Variants in PRXL2C observed in about 807,000 individuals in gnomAD.
PRXL2C encodes the protein peroxiredoxin like 2C.
A neutral mutation model predicts 24.9 loss-of-function variants in PRXL2C; 38 were observed. The ratio of observed to expected loss-of-function variants is 1.53; its 90% CI spans 1.18 to 2.00. The LOEUF is 2.00. Among genes scored for constraint, PRXL2C ranks in the 30% most tolerant of loss-of-function variants. PRXL2C has a pLI of 0.00. For synonymous variants in PRXL2C, 98 were observed against 117.2 expected (o/e 0.84, Z 1.06); for missense variants, 294 against 290.9 (o/e 1.01, Z -0.08).
chr9:96,654,989 T>C (rs1848332658), intron 1 of PRXL2C, 101 bp downstream of exon 1: 1 of 1,339,300 alleles, frequency 7.5e-7, no homozygotes, highest in Non-Finnish European at 9.7e-7. Context: ...GCAGGCTGCC[T>C]TCCCGTTTCC....
intron 2 of PRXL2C, 28 bp from the exon 3 acceptor site, chr9:96,651,740 T>A: frequency 6.4e-7 from 1 of 1,563,720 alleles, no homozygotes; most frequent in Non-Finnish European, 8.7e-7. Flanking sequence ...GACATGTATA[T>A]ATCATTAGAA....
At position 96,640,971 on chromosome 9, in the gene PRXL2C, TAGCA is replaced by T. The variant is rs1848106594; in HGVS notation, c.*784_*787del. The T allele has an allele frequency of 6.6e-6, 1 of 152,178 alleles. No homozygotes were observed. The highest frequency in any genetic ancestry group is 2.1e-4 in the South Asian group (1 of 4,824). 9.4% of individuals were successfully genotyped at this position (152,178 alleles called of 1,614,324 possible). A position where few individuals can be genotyped will look rare whatever the true frequency, so the allele number is the denominator to read the frequency against. ...CCCCCCAAAATCCTAGTGAAACGGA[TAGCA>T]AGTATGTAGTTTGAGAAGGTGCTGT... On this transcript the variant is annotated 3_prime_UTR_variant, in exon 6 of 6. Coordinates refer to ENST00000375234, the MANE Select transcript of PRXL2C (RefSeq NM_153698.2).
At chr9:96,653,451 G>GA (rs911938162) in intron 2 of PRXL2C, among the ~76,000 whole-genome samples, 1 of 152,100 alleles carries the variant, frequency 6.6e-6, no homozygotes, top group African/African-American at 2.4e-5. Context: ...CAGGGATAAG[G>GA]AAAAGGGAGG....
At chr9:96,646,108 C>G in intron 4 of PRXL2C, 84 bp from the exon 5 acceptor site, 2 of 1,361,320 alleles carry the variant, frequency 1.5e-6, no homozygotes, top group African/African-American at 3.0e-5. Flanking sequence ...AAAACATTCT[C>G]TTTCTTCCTT....
intron 5 of PRXL2C, 50 bp from the exon 6 acceptor site, chr9:96,641,936 T>G (rs1163621811): frequency 7.3e-7 from 1 of 1,369,914 alleles, no homozygotes; most frequent in African/African-American, 1.5e-5. Flanking sequence ...ATTCATCAGA[T>G]TTACTGCTTA....
Position 96,641,807 on chromosome 9 carries a change from T to C in PRXL2C, c.633A>G (p.Gly211=). ...TGTTTGTAAAGTTCACATGCTGAAC[T>C]CCTACAAGCTGTAAAACAGAGTTGA... ...KPINSVLQLV[G]VQHVNFTNRP... The change falls in exon 6 of 6, where the codon GGA becomes GGG. Residue 211 remains glycine, a synonymous_variant. Coordinates refer to ENST00000375234, the MANE Select transcript of PRXL2C (RefSeq NM_153698.2). 6.3e-7 allele frequency: 1 copy of C among 1,581,912 alleles called. No homozygotes were observed. The highest frequency in any genetic ancestry group is 8.6e-7 in the Non-Finnish European group (1 of 1,156,126).
In PRXL2C at chr9:96,641,790, A is replaced by C; in HGVS notation, c.650T>G (p.Phe217Cys). 6.3e-7 allele frequency: 1 copy of C among 1,578,818 alleles called. No homozygotes were observed. The highest frequency in any genetic ancestry group is 8.7e-7 in the Non-Finnish European group (1 of 1,153,870). ...ATGGATAACTGAAGGTCTGTTTGTA[A>C]AGTTCACATGCTGAACTCCTACAAG... is the stretch of plus-strand genomic sequence containing the variant. ...LQLVGVQHVN[F>C]TNRPSVIHV The change falls in exon 6 of 6, where the codon TTT becomes TGT. Residue 217 changes from phenylalanine to cysteine, a missense_variant. Transcript: ENST00000375234.
chr9:96,645,579 C>T (rs554960164), intron 5 of PRXL2C, among the ~76,000 whole-genome samples: 2 of 151,826 alleles, frequency 1.3e-5, no homozygotes, highest in East Asian at 3.9e-4. Context: ...GGGTGGATCA[C>T]GAGGTCAGGA....
At chr9:96,642,969 A>G (rs1299595396) in intron 5 of PRXL2C, among the ~76,000 whole-genome samples, 2 of 152,196 alleles carry the variant, frequency 1.3e-5, no homozygotes, top group Admixed American at 6.5e-5. Flanking sequence ...ATATGTACAG[A>G]CATTTTTTTT....
intron 4 of PRXL2C, among the ~76,000 whole-genome samples, chr9:96,646,838 T>C (rs762410375): frequency 2.6e-5 from 4 of 152,170 alleles, no homozygotes; most frequent in Non-Finnish European, 5.9e-5. Context: ...TTGCCCAGGA[T>C]GGAGTGCAAT....
rs940691756 is a variant in PRXL2C at position 96,651,782 on chromosome 9, C to A, written c.262-70G>T. The A allele has an allele frequency of 3.0e-6, 4 of 1,348,772 alleles. No homozygotes were observed. In the Admixed American group the frequency reaches 7.7e-5, roughly 26 times the overall value. 83.6% of individuals were successfully genotyped at this position (1,348,772 alleles called of 1,614,324 possible). A position where few individuals can be genotyped will look rare whatever the true frequency, so the allele number is the denominator to read the frequency against. On this transcript the variant is annotated intron_variant, in intron 2 of 5. Coordinates refer to ENST00000375234, the MANE Select transcript of PRXL2C (RefSeq NM_153698.2). ...CATGTTTTATACAACATCCCTTAAC[C>A]CAACTCTTATGTTTCATTCTAATGC...
chr9:96,647,400 C>T (rs1344044991), intron 4 of PRXL2C, among the ~76,000 whole-genome samples: 1 of 152,122 alleles, frequency 6.6e-6, no homozygotes, highest in African/African-American at 2.4e-5. Flanking sequence ...TTCCAAACAC[C>T]TATTATTTCT....
At position 96,641,702 on chromosome 9, in the gene PRXL2C, G is replaced by A; in HGVS notation, c.*57C>T. On this transcript the variant is annotated 3_prime_UTR_variant, in exon 6 of 6. Transcript: ENST00000375234. ...ACACTGCACGAGGATATTACACCCA[G>A]GCATTGAAGGTCACATTCCAGAAGG... The A allele has an allele frequency of 1.4e-6, 2 of 1,479,130 alleles. No homozygotes were observed. The highest frequency in any genetic ancestry group is 1.8e-6 in the Non-Finnish European group (2 of 1,095,538). 91.6% of individuals were successfully genotyped at this position (1,479,130 alleles called of 1,614,324 possible).
At chr9:96,651,057 G>A (rs550410032) in intron 4 of PRXL2C, among the ~76,000 whole-genome samples, 21 of 152,164 alleles carry the variant, frequency 1.4e-4, no homozygotes, top group Admixed American at 5.2e-4. Context: ...TTGGGAGGCC[G>A]AGACAGGTCA....
At chr9:96,643,493 AC>A (rs1848147388) in intron 5 of PRXL2C, among the ~76,000 whole-genome samples, 1 of 152,108 alleles carries the variant, frequency 6.6e-6, no homozygotes, top group Non-Finnish European at 1.5e-5. Flanking sequence ...TGATCTGCTC[AC>A]CTTGGGCTCC....
In PRXL2C at chr9:96,654,617, A is replaced by T; in HGVS notation, c.261+88T>A. 3 of 1,255,808 alleles carry T rather than the reference A, an allele frequency of 2.4e-6. No individual in the cohort carries two copies. In the South Asian group the frequency reaches 3.9e-5, roughly 17 times the overall value. 77.8% of individuals were successfully genotyped at this position (1,255,808 alleles called of 1,614,324 possible). ...TGCGGGGAGGGGCAATCCAGGCTGC[A>T]AGTTCCGCGCTGGAGCCGCGTCCTC... On this transcript the variant is annotated intron_variant, in intron 2 of 5. Coordinates refer to ENST00000375234, the MANE Select transcript of PRXL2C (RefSeq NM_153698.2).
chr9:96,654,588 G>C, intron 2 of PRXL2C, 117 bp downstream of exon 2: 10 of 865,246 alleles, frequency 1.2e-5, no homozygotes, highest in Non-Finnish European at 1.8e-5. Flanking sequence ...AGGGTGGAGA[G>C]AGCTGCGGGG....
chr9:96,642,833 G>A (rs905377932), intron 5 of PRXL2C, among the ~76,000 whole-genome samples: 4 of 152,020 alleles, frequency 2.6e-5, no homozygotes, highest in African/African-American at 9.7e-5. Flanking sequence ...GTAAGCCACT[G>A]CACCCGGCCA....
chr9:96,654,777 A>G lies in PRXL2C; in HGVS notation c.193-4T>C. The G allele has an allele frequency of 6.4e-7, 1 of 1,559,584 alleles. No homozygotes were observed. Among genetic ancestry groups the G allele is most frequent in the Non-Finnish European group, 8.7e-7 (1 of 1,150,684 alleles). On this transcript the variant is annotated splice_polypyrimidine_tract_variant and splice_region_variant and intron_variant, in intron 1 of 5. Coordinates refer to ENST00000375234, the MANE Select transcript of PRXL2C (RefSeq NM_153698.2). ...TGCAGATGTAACACAGGAAATGCTG[A>G]AAGCCAAAACGGCAGAAAGGGCAAG... is the stretch of plus-strand genomic sequence containing the variant.
Sources: allele counts gnomAD v4.1 joint callset (sites outside exome capture counted in the v4.1 genomes callset), GRCh38; gene constraint gnomAD v4.1.1; transcripts MANE v1.5; gene names NCBI Gene and HGNC (gene_info 2026-07-23, HGNC 2026-07-21).